Variants in EIF2B3 observed in about 807,000 individuals in gnomAD.
EIF2B3 encodes the protein eukaryotic translation initiation factor 2B subunit gamma.
Under a neutral mutation model 54.1 loss-of-function variants are expected in EIF2B3, and 20 were observed. The ratio of observed to expected loss-of-function variants is 0.37; its 90% CI spans 0.26 to 0.54. The LOEUF (loss-of-function observed/expected upper bound fraction) is 0.54. EIF2B3 is among the 20% of genes least tolerant of loss of function. EIF2B3 has a pLI of 0.86. For synonymous variants in EIF2B3, 153 were observed against 188.1 expected (o/e 0.81, Z 1.52); for missense variants, 448 against 547.8 (o/e 0.82, Z 1.82).
In EIF2B3 at chr1:44,950,633, T is replaced by C. The variant is rs1316688414; in HGVS notation, c.295-8968A>G. ...ATTAAATTATTAATTTATTAAATGA[T>C]ATTGAATTATTTAAATGATATATAC... On this transcript the variant is annotated intron_variant, in intron 3 of 11. Coordinates refer to ENST00000360403, the MANE Select transcript of EIF2B3 (RefSeq NM_020365.5). Among the ~76,000 whole-genome samples, 4 of 152,296 alleles carry C rather than the reference T, an allele frequency of 2.6e-5. No homozygotes were observed. The East Asian group carries it at 7.7e-4, about 29-fold the overall frequency.
At chr1:44,920,666 T>G (rs2148928728) in intron 5 of EIF2B3, among the ~76,000 whole-genome samples, 1 of 152,320 alleles carries the variant, frequency 6.6e-6, no homozygotes, top group Non-Finnish European at 1.5e-5. Context: ...CTGGCTTATT[T>G]CACTTAACAT....
chr1:44,929,680 G>A (rs1459232647), intron 4 of EIF2B3, among the ~76,000 whole-genome samples: 1 of 152,118 alleles, frequency 6.6e-6, no homozygotes, highest in African/African-American at 2.4e-5. Context: ...AAAGAAACAC[G>A]GAGATGTTAT....
chr1:44,952,804 G>A (rs1428743841), intron 3 of EIF2B3, among the ~76,000 whole-genome samples: 3 of 151,818 alleles, frequency 2.0e-5, no homozygotes, highest in East Asian at 1.9e-4. Context: ...CGCCCGCCTC[G>A]GCCTCCCAAA....
chr1:44,971,614 CA>C (rs1290891527), intron 3 of EIF2B3, among the ~76,000 whole-genome samples: 4 of 152,196 alleles, frequency 2.6e-5, no homozygotes, highest in African/African-American at 9.6e-5. Flanking sequence ...AAAGTTTACA[CA>C]TCCATTCTAA....
At chr1:44,944,039 G>C (rs1372864653) in intron 3 of EIF2B3, among the ~76,000 whole-genome samples, 1 of 152,110 alleles carries the variant, frequency 6.6e-6, no homozygotes, top group Admixed American at 6.5e-5. Context: ...AGCTACTCGG[G>C]AGGCTGAGGC....
Position 44,874,751 on chromosome 1 carries a change from A to G in EIF2B3, c.1129T>C (p.Ser377Pro). Residue 377 changes from serine (S) to proline (P), a missense_variant, in exon 10 of 12, where the codon TCA becomes CCA. Physicochemically the swap from Ser to Pro is moderately conservative, Grantham distance 74. Transcript: ENST00000360403. ...KSSIKRSVIG[S>P]SCLIKDRVTI... ...ACTCTATCTTTTATGAGACAGGATGAGCCAATGACTGAGCGCTTAATGGAT... is the reference window on the plus strand; with the variant it reads ...ACTCTATCTTTTATGAGACAGGATGGGCCAATGACTGAGCGCTTAATGGAT... 6.2e-7 allele frequency: 1 copy of G among 1,614,192 alleles called. No homozygotes were observed. The highest frequency in any genetic ancestry group is 8.5e-7 in the Non-Finnish European group (1 of 1,180,032).
At chr1:44,918,306 T>C (rs369910627) in intron 5 of EIF2B3, among the ~76,000 whole-genome samples, 2 of 151,678 alleles carry the variant, frequency 1.3e-5, no homozygotes, top group South Asian at 4.2e-4. Context: ...GGTCTCAAAC[T>C]TCTGACCTCA....
intron 3 of EIF2B3, among the ~76,000 whole-genome samples, chr1:44,977,616 C>T (rs183658068): frequency 4.4e-4 from 67 of 152,150 alleles, no homozygotes; most frequent in Non-Finnish European, 6.0e-4. Context: ...AGATGTGCAC[C>T]GCCATGCCCA....
intron 3 of EIF2B3, among the ~76,000 whole-genome samples, chr1:44,964,456 T>C (rs76264931): frequency 1.9e-3 from 289 of 152,370 alleles, no homozygotes; most frequent in African/African-American, 6.7e-3. Flanking sequence ...TGTAATTTGA[T>C]AAAAGACATC....
chr1:44,900,194 C>A (rs1160834733), intron 5 of EIF2B3, among the ~76,000 whole-genome samples: 1 of 152,138 alleles, frequency 6.6e-6, no homozygotes, highest in Non-Finnish European at 1.5e-5. Flanking sequence ...CACCTGTAAT[C>A]CCAGCACTTT....
At chr1:44,919,651 T>C (rs942456289) in intron 5 of EIF2B3, among the ~76,000 whole-genome samples, 2 of 151,856 alleles carry the variant, frequency 1.3e-5, no homozygotes, top group Admixed American at 1.3e-4. Context: ...TGGGTGTACA[T>C]GTGTTAGCCT....
intron 4 of EIF2B3, among the ~76,000 whole-genome samples, chr1:44,938,495 T>C (rs1030228521): frequency 7.0e-6 from 1 of 143,774 alleles, no homozygotes; most frequent in African/African-American, 2.6e-5. Flanking sequence ...TCTCTCTCTC[T>C]CTCTCTGTTT....
At chr1:44,936,345 C>G (rs1370464847) in intron 4 of EIF2B3, among the ~76,000 whole-genome samples, 2 of 150,994 alleles carry the variant, frequency 1.3e-5, no homozygotes, top group Non-Finnish European at 2.9e-5. Flanking sequence ...TTTGGGAGGC[C>G]AAGGCGGGTG....
At chr1:44,928,929 G>A (rs1643875386) in intron 4 of EIF2B3, among the ~76,000 whole-genome samples, 1 of 152,168 alleles carries the variant, frequency 6.6e-6, no homozygotes, top group Non-Finnish European at 1.5e-5. Flanking sequence ...GACTGCCTAG[G>A]TATGAATCCC....
chr1:44,883,948 C>T (rs1655494252), intron 6 of EIF2B3, among the ~76,000 whole-genome samples: 1 of 152,160 alleles, frequency 6.6e-6, no homozygotes, highest in Non-Finnish European at 1.5e-5. Context: ...AAGTGATCCT[C>T]CTGCCTTGGC....
At position 44,913,913 on chromosome 1, in the gene EIF2B3, G is replaced by A. The variant is rs570082786; in HGVS notation, c.566+12715C>T. On this transcript the variant is annotated intron_variant, in intron 5 of 11. Transcript: ENST00000360403. ...ACAATCTCGGCTCACTGCAACCTCC[G>A]CCTCCCGGGTTCAAGTGATTCTGCA... Among the ~76,000 whole-genome samples the A allele has an allele frequency of 8.4e-5, 12 of 142,526 alleles. No individual in the cohort carries two copies. The East Asian group carries it at 1.7e-3, about 20-fold the overall frequency. 93.5% of individuals were successfully genotyped at this position (142,526 alleles called of 152,430 possible). A position where few individuals can be genotyped will look rare whatever the true frequency, so the allele number is the denominator to read the frequency against.
At chr1:44,860,583 G>T (rs930717796) in intron 10 of EIF2B3, among the ~76,000 whole-genome samples, 3 of 152,176 alleles carry the variant, frequency 2.0e-5, no homozygotes, top group African/African-American at 7.2e-5. Context: ...ATAACTGCTA[G>T]TAACAGATTT....
chr1:44,938,567 G>A (rs1323890185), intron 4 of EIF2B3, among the ~76,000 whole-genome samples: 1 of 151,674 alleles, frequency 6.6e-6, no homozygotes, highest in African/African-American at 2.4e-5. Context: ...CTGTAGCCTC[G>A]ACATCCCGGG....
At chr1:44,871,351 C>A (rs1654958457) in intron 10 of EIF2B3, among the ~76,000 whole-genome samples, 1 of 152,166 alleles carries the variant, frequency 6.6e-6, no homozygotes, top group Non-Finnish European at 1.5e-5. Context: ...TCCATGTTTA[C>A]CCTGTTCAGG....
Sources: gnomAD v4.1 joint callset for allele counts (sites outside exome capture counted in the v4.1 genomes callset) on GRCh38, gnomAD v4.1.1 for gene constraint, MANE v1.5 for transcripts, NCBI Gene and HGNC (gene_info 2026-07-23, HGNC 2026-07-21) for gene names.